ADGRB3: variants seen among roughly 807,000 people sequenced by gnomAD.
ADGRB3 encodes brain-specific angiogenesis inhibitor 3.
ADGRB3 carries 37 observed loss-of-function variants against 193.4 expected under a neutral mutation model. The observed-to-expected ratio is 0.19, with a 90% CI of 0.15 to 0.25. The LOEUF is 0.25. Ranked by LOEUF, ADGRB3 falls within the 10% of genes least tolerant of loss-of-function variation. The pLI, the probability that ADGRB3 is intolerant of heterozygous loss-of-function variation, is 1.00. For missense variants in ADGRB3, 1,637 were observed against 1,852.9 expected (o/e 0.88, Z 2.14); for synonymous variants, 690 against 644.2 (o/e 1.07, Z -1.08).
chr6:68,705,339 A>G (rs2127311970), intron 3 of ADGRB3, among the ~76,000 whole-genome samples: 1 of 152,334 alleles, frequency 6.6e-6, no homozygotes, highest in Non-Finnish European at 1.5e-5. Context: ...CACAGAGTAA[A>G]TGCTCAATAA....
chr6:68,879,518 G>A (rs772254599), intron 3 of ADGRB3, among the ~76,000 whole-genome samples: 2 of 152,018 alleles, frequency 1.3e-5, no homozygotes, highest in Non-Finnish European at 2.9e-5. Context: ...GTGAGCCACC[G>A]CGCCTGGCCT....
intron 3 of ADGRB3, among the ~76,000 whole-genome samples, chr6:68,776,396 A>C (rs927750343): frequency 6.6e-6 from 1 of 152,196 alleles, no homozygotes; most frequent in Non-Finnish European, 1.5e-5. Context: ...TGGCTGAGGA[A>C]TAAACTAGGA....
intron 3 of ADGRB3, among the ~76,000 whole-genome samples, chr6:68,813,653 C>G (rs1313721682): frequency 6.6e-6 from 1 of 151,820 alleles, no homozygotes; most frequent in Non-Finnish European, 1.5e-5. Context: ...TGTGCCGCAC[C>G]CATTAACTTG....
intron 17 of ADGRB3, among the ~76,000 whole-genome samples, chr6:69,227,723 A>AGTAAAGAT (rs1047175774): frequency 2.6e-5 from 4 of 152,202 alleles, no homozygotes; most frequent in Non-Finnish European, 5.9e-5. Flanking sequence ...TTGACTGGTT[A>AGTAAAGAT]GTAAAGATTC....
chr6:68,970,321 G>C (rs778200443), intron 8 of ADGRB3, among the ~76,000 whole-genome samples: 2 of 148,508 alleles, frequency 1.3e-5, no homozygotes, highest in Non-Finnish European at 3.0e-5. Flanking sequence ...ATCTTGATCT[G>C]TCACCCAGGC....
intron 15 of ADGRB3, among the ~76,000 whole-genome samples, chr6:69,056,947 T>A (rs946981158): frequency 1.3e-5 from 2 of 152,138 alleles, no homozygotes; most frequent in Non-Finnish European, 2.9e-5. Flanking sequence ...ATTTTATATT[T>A]TTTTCCATTT....
In ADGRB3 at chr6:69,338,982, A is replaced by T; in HGVS notation, c.3255A>T (p.Thr1085=). Residue 1085 remains threonine (T), a synonymous_variant, in exon 25 of 32, where the codon ACA becomes ACT. Coordinates refer to ENST00000370598, the MANE Select transcript of ADGRB3 (RefSeq NM_001704.3). ...CCAAGTGTGGAGTAGTTTCAACAAC[A>T]GCTTTGTCAGCCACCACCGCCAGTA... ...KCAKCGVVST[T]ALSATTASNA... The T allele has an allele frequency of 6.2e-7, 1 of 1,613,900 alleles. No individual in the cohort carries two copies. The highest frequency in any genetic ancestry group is 8.5e-7 in the Non-Finnish European group (1 of 1,179,860).
chr6:68,772,943 AC>A (rs570516674), intron 3 of ADGRB3, among the ~76,000 whole-genome samples: 3,254 of 46,412 alleles, frequency 0.07, 251 homozygotes, highest in African/African-American at 0.16. Flanking sequence ...ACATACACAC[AC>A]AAAAATAAAA....
chr6:68,886,905 ACAT>A (rs1765925634), intron 3 of ADGRB3, among the ~76,000 whole-genome samples: 1 of 151,900 alleles, frequency 6.6e-6, no homozygotes, highest in Non-Finnish European at 1.5e-5. Flanking sequence ...TTGTAGAATA[ACAT>A]CATCCCTATA....
intron 10 of ADGRB3, among the ~76,000 whole-genome samples, chr6:68,984,737 A>G (rs1227684981): frequency 6.6e-6 from 1 of 152,180 alleles, no homozygotes. Context: ...CCAAGAAGGC[A>G]AAAAGAAATG....
At chr6:69,284,707 A>G (rs1028384535) in intron 20 of ADGRB3, among the ~76,000 whole-genome samples, 1 of 152,168 alleles carries the variant, frequency 6.6e-6, no homozygotes, top group African/African-American at 2.4e-5. Flanking sequence ...GAATTTTGCC[A>G]CTTAACCTGA....
At chr6:68,922,912 CA>C (rs1767084011) in intron 3 of ADGRB3, among the ~76,000 whole-genome samples, 1 of 152,048 alleles carries the variant, frequency 6.6e-6, no homozygotes. Context: ...CTGATGAAAA[CA>C]AGCTCAAAGA....
rs200159994 is a variant in ADGRB3, at chr6:68,864,893, G to T, written c.758-65666G>T. ...AAATGTAGCAAGTAGTATCTGAATA[G>T]ATTGTTGATTACAGCAGGGCCATTT... On this transcript the variant is annotated intron_variant, in intron 3 of 31. Transcript: ENST00000370598. Among the ~76,000 whole-genome samples the T allele has an allele frequency of 6.9e-3, 341 of 49,660 alleles. 1 individual carries two copies. The highest frequency in any genetic ancestry group is 0.014 in the African/African-American group (330 of 24,062). 32.6% of individuals were successfully genotyped at this position (49,660 alleles called of 152,430 possible). A position where few individuals can be genotyped will look rare whatever the true frequency, so the allele number is the denominator to read the frequency against.
At chr6:69,252,148 A>G (rs1012533559) in intron 20 of ADGRB3, among the ~76,000 whole-genome samples, 18 of 152,134 alleles carry the variant, frequency 1.2e-4, no homozygotes, top group African/African-American at 3.9e-4. Context: ...TACAAATGAA[A>G]TCATAGCATG....
intron 17 of ADGRB3, among the ~76,000 whole-genome samples, chr6:69,142,865 A>G (rs193170763): frequency 3.1e-4 from 47 of 152,260 alleles, no homozygotes; most frequent in Admixed American, 3.1e-3. Context: ...TGATCAAATA[A>G]GATTGCAATT....
chr6:68,890,944 T>G lies in ADGRB3; in HGVS notation c.758-39615T>G, dbSNP rs1450730955. Among the ~76,000 whole-genome samples the G allele has an allele frequency of 2.0e-5, 3 of 152,290 alleles. No individual in the cohort carries two copies. The East Asian group carries it at 5.8e-4, about 29-fold the overall frequency. On this transcript the variant is annotated intron_variant, in intron 3 of 31. Coordinates refer to ENST00000370598, the MANE Select transcript of ADGRB3 (RefSeq NM_001704.3). The stretch of plus-strand genomic sequence containing the variant: ...TGGGGCAGCTTTTTGGAATAGCAAA[T>G]GAACTAAATGTAGGAATAGTGTATT...
chr6:68,849,772 T>C (rs999625633), intron 3 of ADGRB3, among the ~76,000 whole-genome samples: 2 of 151,934 alleles, frequency 1.3e-5, no homozygotes, highest in African/African-American at 4.8e-5. Context: ...TTTGGATGGA[T>C]AGCTGGATGG....
chr6:69,164,261 G>T (rs955559324), intron 17 of ADGRB3, among the ~76,000 whole-genome samples: 2 of 152,036 alleles, frequency 1.3e-5, no homozygotes, highest in Admixed American at 6.6e-5. Context: ...CTAGCACAGT[G>T]CTGGCACATG....
chr6:69,381,336 T>A lies in ADGRB3; in HGVS notation c.4276-1495T>A, dbSNP rs568377569. Among the ~76,000 whole-genome samples the A allele has an allele frequency of 2.6e-5, 4 of 152,094 alleles. No homozygotes were observed. In the East Asian group the frequency reaches 7.8e-4, roughly 29 times the overall value. On this transcript the variant is annotated intron_variant, in intron 30 of 31. Transcript: ENST00000370598. ...CTATAATTGCTTGCTATGTTTCATG[T>A]CCCTATCATGAGTAATGTTGCCATG...
Sources: allele counts gnomAD v4.1 joint callset (sites outside exome capture counted in the v4.1 genomes callset), GRCh38; gene constraint gnomAD v4.1.1; transcripts MANE v1.5; gene names NCBI Gene and HGNC (gene_info 2026-07-23, HGNC 2026-07-21).